ETFDH: variants seen among roughly 807,000 people sequenced by gnomAD.
The protein encoded by ETFDH is electron transfer flavoprotein dehydrogenase, also known as electron transfer flavoprotein-ubiquinone oxidoreductase, mitochondrial.
Under a neutral mutation model 73.2 loss-of-function variants are expected in ETFDH, and 61 were observed. That is an observed-to-expected ratio of 0.83 (90% CI 0.68 to 1.03). ETFDH has a LOEUF of 1.03. ETFDH is among the 50% of genes least tolerant of loss of function. The pLI is 0.00. For synonymous variants in ETFDH, 243 were observed against 253.3 expected (o/e 0.96, Z 0.39); for missense variants, 685 against 745.0 (o/e 0.92, Z 0.94).
chr4:158,689,537 G>A (rs1311837933), intron 5 of ETFDH, among the ~76,000 whole-genome samples: 1 of 141,960 alleles, frequency 7.0e-6, no homozygotes, highest in Non-Finnish European at 1.5e-5. Context: ...CTTCAGTTTA[G>A]TCTGTAGCCA....
At chr4:158,682,166 A>G (rs1429321028) in intron 2 of ETFDH, 29 bp from the exon 3 acceptor site, 2 of 1,612,908 alleles carry the variant, frequency 1.2e-6, no homozygotes, top group Non-Finnish European at 1.7e-6. Context: ...ATTGGGTTAT[A>G]TTAATCCCAG....
At chr4:158,689,636 A>ATATATGTATT (rs765147554) in intron 5 of ETFDH, among the ~76,000 whole-genome samples, 1 of 63,676 alleles carries the variant, frequency 1.6e-5, no homozygotes, top group Non-Finnish European at 3.0e-5. Flanking sequence ...ATATATATAT[A>ATATATGTATT]TTGTGGGGGG....
intron 2 of ETFDH, 35 bp from the exon 3 acceptor site, chr4:158,682,160 G>A: frequency 6.2e-7 from 1 of 1,611,750 alleles, no homozygotes; most frequent in Non-Finnish European, 8.5e-7. Flanking sequence ...GTGATTATTG[G>A]GTTATATTAA....
chr4:158,689,419 C>T (rs1046028238), intron 5 of ETFDH, among the ~76,000 whole-genome samples: 1 of 151,426 alleles, frequency 6.6e-6, no homozygotes, highest in African/African-American at 2.4e-5. Context: ...CATACATGAA[C>T]ACTTATAGTC....
intron 3 of ETFDH, among the ~76,000 whole-genome samples, chr4:158,682,743 C>G (rs1350217857): frequency 6.6e-6 from 1 of 152,074 alleles, no homozygotes; most frequent in African/African-American, 2.4e-5. Flanking sequence ...CTGTATTGGC[C>G]AGACTGGTCT....
At chr4:158,685,662 C>T (rs2150306841) in intron 5 of ETFDH, among the ~76,000 whole-genome samples, 1 of 152,264 alleles carries the variant, frequency 6.6e-6, no homozygotes, top group Non-Finnish European at 1.5e-5. Context: ...TTTGTCTCTG[C>T]CCTCTGAAGG....
At chr4:158,699,231 A>G (rs1774396111) in intron 9 of ETFDH, 101 bp downstream of exon 9, 1 of 999,580 alleles carries the variant, frequency 1.0e-6, no homozygotes, top group East Asian at 2.6e-5. Flanking sequence ...CAATATTGGA[A>G]TAGGAAAAGT....
At position 158,693,124 on chromosome 4, in the gene ETFDH, T is replaced by G. The variant is rs548879678; in HGVS notation, c.685-2373T>G. Among the ~76,000 whole-genome samples, 9 of 152,290 alleles carry G rather than the reference T, an allele frequency of 5.9e-5. No homozygotes were observed. In the East Asian group the frequency reaches 1.7e-3, roughly 29 times the overall value. On this transcript the variant is annotated intron_variant, in intron 6 of 12. Transcript: ENST00000511912. ...CATTCTCTATTTAACCCACTGTAGC[T>G]AAGCTTTCTCCCTGCGATTTCACTG...
At chr4:158,684,000 C>T (rs143551292) in intron 3 of ETFDH, among the ~76,000 whole-genome samples, 1 of 152,164 alleles carries the variant, frequency 6.6e-6, no homozygotes, top group Non-Finnish European at 1.5e-5. Context: ...GCTAACCTCT[C>T]CACAGAGACA....
chr4:158,675,536 A>T (rs549948572), intron 1 of ETFDH, among the ~76,000 whole-genome samples: 1 of 152,228 alleles, frequency 6.6e-6, no homozygotes, highest in African/African-American at 2.4e-5. Flanking sequence ...GGAGGCTGAG[A>T]CGGGCATATT....
rs144205191 is a variant in ETFDH at position 158,706,381 on chromosome 4, A to T, written c.1468+10A>T. On this transcript the variant is annotated intron_variant, in intron 11 of 12. Transcript: ENST00000511912. ...ACTCTGAAACATAAAGGTAATTCAA[A>T]CAAGAGTATGAGTGACATGATCATT... is the stretch of plus-strand genomic sequence containing the variant. The T allele has an allele frequency of 3.8e-6, 6 of 1,599,022 alleles. No homozygotes were observed. In the African/African-American group the frequency reaches 6.7e-5, roughly 18 times the overall value.
rs1210255898 is a variant in ETFDH at position 158,680,597 on chromosome 4, G to A, written c.165G>A (p.Lys55=). 1 of 1,610,926 alleles carries A rather than the reference G, an allele frequency of 6.2e-7. No individual in the cohort carries two copies. The highest frequency in any genetic ancestry group is 8.5e-7 in the Non-Finnish European group (1 of 1,177,220). Residue 55 remains lysine, a synonymous_variant, in exon 2 of 13, where the codon AAG becomes AAA. Coordinates refer to ENST00000511912, the MANE Select transcript of ETFDH (RefSeq NM_004453.4). ...HYTIYPRDKD[K]RWEGVNMERF... is the part of the protein sequence containing the mutation. The stretch of plus-strand genomic sequence containing the variant: ...CTATTTATCCCCGGGATAAGGACAA[G>A]AGATGGGAAGGTAAGTAATAATTTG...
chr4:158,695,958 G>C (rs1482534686), intron 7 of ETFDH, among the ~76,000 whole-genome samples: 1 of 152,044 alleles, frequency 6.6e-6, no homozygotes, highest in Non-Finnish European at 1.5e-5. Context: ...TGTTAGGATT[G>C]TTCTTGTTAT....
intron 7 of ETFDH, among the ~76,000 whole-genome samples, chr4:158,695,990 A>C (rs1053630592): frequency 5.3e-5 from 8 of 152,148 alleles, no homozygotes; most frequent in Admixed American, 5.2e-4. Context: ...TTGTAGGATG[A>C]CCACATCCTA....
intron 1 of ETFDH, chr4:158,679,468 A>G (rs1474167910): frequency 6.6e-6 from 1 of 152,198 alleles, no homozygotes; most frequent in African/African-American, 2.4e-5. Flanking sequence ...ATTGAGTACA[A>G]TCAACGGGAG....
chr4:158,707,294 C>A (rs1330001422), intron 12 of ETFDH, among the ~76,000 whole-genome samples: 1 of 152,108 alleles, frequency 6.6e-6, no homozygotes, highest in African/African-American at 2.4e-5. Flanking sequence ...GTAATAGGAA[C>A]CAGGTCTCAA....
rs532584948 is a variant in ETFDH, at chr4:158,698,327, GT to G, written c.972+629del. 9.9e-5 allele frequency among the ~76,000 whole-genome samples: 15 copies of G among 152,226 alleles called. No individual in the cohort carries two copies. The East Asian group carries it at 2.9e-3, about 29-fold the overall frequency. On this transcript the variant is annotated intron_variant, in intron 8 of 12. Coordinates refer to ENST00000511912, the MANE Select transcript of ETFDH (RefSeq NM_004453.4). The stretch of plus-strand genomic sequence containing the variant: ...ACATTGTTAAATTTATGTGTTACTG[GT>G]GTTTTTTGACCCCCCAGTCCAATGT...
chr4:158,700,121 T>C (rs1176776102), intron 9 of ETFDH, among the ~76,000 whole-genome samples: 5 of 152,128 alleles, frequency 3.3e-5, no homozygotes, highest in Admixed American at 6.5e-5. Context: ...TAACAGATAA[T>C]AGGAAAATTT....
At chr4:158,676,457 T>G (rs1773714204) in intron 1 of ETFDH, among the ~76,000 whole-genome samples, 1 of 152,186 alleles carries the variant, frequency 6.6e-6, no homozygotes, top group Non-Finnish European at 1.5e-5. Context: ...GCATGACTCT[T>G]AAACCATAAT....
Sources: gnomAD v4.1 joint callset for allele counts (sites outside exome capture counted in the v4.1 genomes callset) on GRCh38, gnomAD v4.1.1 for gene constraint, MANE v1.5 for transcripts, NCBI Gene and HGNC (gene_info 2026-07-23, HGNC 2026-07-21) for gene names.